NUBPL: variants seen among roughly 807,000 people sequenced by gnomAD.
The protein encoded by NUBPL is iron-sulfur cluster transfer protein NUBPL.
NUBPL carries 31 observed loss-of-function variants against 45.7 expected under a neutral mutation model. The ratio of observed to expected loss-of-function variants is 0.68; its 90% CI spans 0.51 to 0.92. NUBPL has a LOEUF of 0.92. Ranked by LOEUF, NUBPL falls within the 40% of genes least tolerant of loss-of-function variation. The probability of loss-of-function intolerance (pLI) is 0.00; values close to 1 mark genes in which losing one functional copy is unlikely to be tolerated. For synonymous variants in NUBPL, 144 were observed against 140.9 expected, an observed-to-expected ratio of 1.02 and a Z score of -0.15; for missense variants, 401 against 398.7, an observed-to-expected ratio of 1.01 and a Z score of -0.05.
At chr14:31,587,136 T>C (rs1334849100) in intron 3 of NUBPL, among the ~76,000 whole-genome samples, 1 of 152,120 alleles carries the variant, frequency 6.6e-6, no homozygotes, top group Non-Finnish European at 1.5e-5. Context: ...TCTCTGGGAA[T>C]TGGTATTTTT....
intron 4 of NUBPL, among the ~76,000 whole-genome samples, chr14:31,618,009 G>A (rs538526825): frequency 6.6e-6 from 1 of 152,278 alleles, no homozygotes; most frequent in South Asian, 2.1e-4. Flanking sequence ...TCTTGGGAAG[G>A]TGTATGTCCA....
intron 4 of NUBPL, among the ~76,000 whole-genome samples, chr14:31,608,610 A>AAAAC: frequency 6.6e-6 from 1 of 152,194 alleles, no homozygotes; most frequent in South Asian, 2.1e-4. Flanking sequence ...ACAGTAGGTA[A>AAAAC]TCACCTGAAG....
At chr14:31,564,083 C>T (rs185104977) in intron 2 of NUBPL, among the ~76,000 whole-genome samples, 127 of 152,282 alleles carry the variant, frequency 8.3e-4, no homozygotes, top group Admixed American at 8.3e-3. Flanking sequence ...GAAAATAACC[C>T]TGACATAGTT....
rs547113068 is a variant in NUBPL, at chr14:31,788,065, GACTTTTGTT to G, written c.607+196_607+204del. Among the ~76,000 whole-genome samples the G allele has an allele frequency of 7.9e-4, 120 of 152,256 alleles. No homozygotes were observed. In the Middle Eastern group the frequency reaches 0.014, roughly 17 times the overall value. ...AATAAGTATATTTATAAAACCATGAGACTTTTGTTACTAGGAAGAGTGAAGTCTGTGGTT... is the reference window on the plus strand; with the variant it reads ...AATAAGTATATTTATAAAACCATGAGACTAGGAAGAGTGAAGTCTGTGGTT... On this transcript the variant is annotated intron_variant, in intron 7 of 10. Transcript: ENST00000281081.
At chr14:31,757,503 T>A (rs1179446445) in intron 6 of NUBPL, among the ~76,000 whole-genome samples, 1 of 152,208 alleles carries the variant, frequency 6.6e-6, no homozygotes, top group Non-Finnish European at 1.5e-5. Flanking sequence ...GTGTTTGTAG[T>A]ATTCTCTGAT....
rs187618250 is a variant in NUBPL at position 31,808,990 on chromosome 14, T to C, written c.608-17639T>C. On this transcript the variant is annotated intron_variant, in intron 7 of 10. Transcript: ENST00000281081. ...TCCAACTTGATCATGGTGGATAAGC[T>C]TTTTGATGTGCTGCTGGATTCGGTT... 7.8e-4 allele frequency among the ~76,000 whole-genome samples: 119 copies of C among 152,344 alleles called. No homozygotes were observed. The Middle Eastern group carries it at 0.014, about 17-fold the overall frequency.
chr14:31,725,623 A>G (rs1421282710), intron 6 of NUBPL, among the ~76,000 whole-genome samples: 1 of 151,972 alleles, frequency 6.6e-6, no homozygotes, highest in East Asian at 1.9e-4. Context: ...GCACCCCATC[A>G]CATGAAGTCA....
At chr14:31,793,886 C>A (rs1311049645) in intron 7 of NUBPL, among the ~76,000 whole-genome samples, 1 of 83,990 alleles carries the variant, frequency 1.2e-5, no homozygotes, top group African/African-American at 5.0e-5. Flanking sequence ...CCCCCTCCCC[C>A]GACCCCACCA....
chr14:31,594,180 G>A (rs903587949), intron 3 of NUBPL, among the ~76,000 whole-genome samples: 2 of 152,152 alleles, frequency 1.3e-5, no homozygotes, highest in African/African-American at 4.8e-5. Flanking sequence ...CACTTTGGGA[G>A]GTCGAGGCAG....
chr14:31,722,452 T>C (rs917007751), intron 6 of NUBPL, among the ~76,000 whole-genome samples: 1 of 152,230 alleles, frequency 6.6e-6, no homozygotes, highest in Non-Finnish European at 1.5e-5. Flanking sequence ...TTTGGGTATA[T>C]ACCCAGTAAT....
intron 6 of NUBPL, among the ~76,000 whole-genome samples, chr14:31,752,304 G>GA (rs1449705002): frequency 6.6e-6 from 1 of 152,134 alleles, no homozygotes; most frequent in Non-Finnish European, 1.5e-5. Flanking sequence ...TCCAATTTCA[G>GA]ATCATCTCTT....
chr14:31,696,754 C>T (rs375129083), intron 6 of NUBPL, among the ~76,000 whole-genome samples: 29 of 152,288 alleles, frequency 1.9e-4, no homozygotes, highest in African/African-American at 6.5e-4. Flanking sequence ...TTCTCATTCT[C>T]ACTAAGTGAA....
intron 7 of NUBPL, among the ~76,000 whole-genome samples, chr14:31,798,528 C>T (rs1352461915): frequency 4.0e-5 from 6 of 151,412 alleles, no homozygotes; most frequent in Non-Finnish European, 8.8e-5. Context: ...TGCGGTGGCT[C>T]ACGCCTGTAA....
At chr14:31,760,261 C>T (rs999151765) in intron 6 of NUBPL, among the ~76,000 whole-genome samples, 1 of 151,530 alleles carries the variant, frequency 6.6e-6, no homozygotes, top group African/African-American at 2.4e-5. Flanking sequence ...CCTGGGCTTC[C>T]TCCCACCTTA....
At chr14:31,810,065 A>T (rs866770643) in intron 7 of NUBPL, among the ~76,000 whole-genome samples, 4 of 152,126 alleles carry the variant, frequency 2.6e-5, no homozygotes, top group Non-Finnish European at 4.4e-5. Context: ...AATAAGTGTG[A>T]TGTGGTGCTG....
chr14:31,599,282 T>A lies in NUBPL; in HGVS notation c.292-7T>A. On this transcript the variant is annotated splice_polypyrimidine_tract_variant and splice_region_variant and intron_variant, in intron 3 of 10. Coordinates refer to ENST00000281081, the MANE Select transcript of NUBPL (RefSeq NM_025152.3). ...TTTGTTTTATATTTTTATTTATTTT[T>A]TTACAGTCCAAGGCCATTGGTTTGC... The A allele has an allele frequency of 6.3e-7, 1 of 1,596,156 alleles. No homozygotes were observed. The highest frequency in any genetic ancestry group is 8.6e-7 in the Non-Finnish European group (1 of 1,164,996).
intron 6 of NUBPL, chr14:31,771,932 G>A: frequency 1.1e-6 from 1 of 940,354 alleles, no homozygotes; most frequent in African/African-American, 1.8e-5. Context: ...TCCCTAGCAT[G>A]CAGTATGCTA....
At chr14:31,818,033 AG>A (rs2039951658) in intron 7 of NUBPL, among the ~76,000 whole-genome samples, 1 of 152,250 alleles carries the variant, frequency 6.6e-6, no homozygotes, top group African/African-American at 2.4e-5. Flanking sequence ...TCTCTGATAA[AG>A]CAGACTTTAA....
intron 6 of NUBPL, 52 bp from the exon 7 acceptor site, chr14:31,787,728 C>A: frequency 8.6e-7 from 1 of 1,160,110 alleles, no homozygotes; most frequent in Non-Finnish European, 1.3e-6. Context: ...GTTTACATCA[C>A]TATTCAACAT....
Sources: allele counts gnomAD v4.1 joint callset (sites outside exome capture counted in the v4.1 genomes callset), GRCh38; gene constraint gnomAD v4.1.1; transcripts MANE v1.5; gene names NCBI Gene and HGNC (gene_info 2026-07-23, HGNC 2026-07-21).